The following CTNND2 variants were observed in gnomAD, a reference collection of about 807,000 sequenced individuals.
The protein encoded by CTNND2 is catenin delta-2.
CTNND2 carries 22 observed loss-of-function variants against 144.4 expected under a neutral mutation model. That is an observed-to-expected ratio of 0.15 (90% confidence interval 0.11 to 0.22). CTNND2 has a LOEUF of 0.22. CTNND2 is among the 10% of genes least tolerant of loss of function. The pLI, the probability that CTNND2 is intolerant of heterozygous loss-of-function variation, is 1.00. For synonymous variants in CTNND2, 751 were observed against 695.6 expected (o/e 1.08, Z -1.25); for missense variants, 1,353 against 1,618.8 (o/e 0.84, Z 2.82).
intron 1 of CTNND2, among the ~76,000 whole-genome samples, chr5:11,886,184 A>G (rs1736516648): frequency 6.6e-6 from 1 of 152,162 alleles, no homozygotes; most frequent in South Asian, 2.1e-4. Flanking sequence ...AAATAAATGA[A>G]ACTGAGACAA....
Position 11,534,610 on chromosome 5 carries a change from GA to G in CTNND2, c.287+30333del, listed in dbSNP as rs1196557931. On this transcript the variant is annotated intron_variant, in intron 3 of 21. Transcript: ENST00000304623. ...AGAAGAGTGAAACTCCATTGCAGGG[GA>G]AAAAAAAAGAAAGAAAAGAAATCCT... Among the ~76,000 whole-genome samples, 37 of 149,314 alleles carry G rather than the reference GA, an allele frequency of 2.5e-4. 1 individual carries two copies. The highest frequency in any genetic ancestry group is 1.7e-3 in the Admixed American group (25 of 14,996).
intron 5 of CTNND2, among the ~76,000 whole-genome samples, 168 bp from the exon 6 acceptor site, chr5:11,397,371 G>A (rs1283551142): frequency 6.7e-6 from 1 of 148,654 alleles, no homozygotes; most frequent in African/African-American, 2.6e-5. Context: ...CCAGCTCTCA[G>A]ATGAGATTTT....
chr5:11,455,533 A>C (rs1183492583), intron 3 of CTNND2, among the ~76,000 whole-genome samples: 1 of 152,168 alleles, frequency 6.6e-6, no homozygotes, highest in African/African-American at 2.4e-5. Context: ...CCAAGTATAC[A>C]CCAGAAATTT....
chr5:11,858,520 C>A (rs377221056), intron 1 of CTNND2, among the ~76,000 whole-genome samples: 1 of 152,200 alleles, frequency 6.6e-6, no homozygotes, highest in Non-Finnish European at 1.5e-5. Flanking sequence ...TTGCTCTACA[C>A]GAACCCTGCA....
At chr5:11,425,073 T>G (rs891031070) in intron 3 of CTNND2, among the ~76,000 whole-genome samples, 3 of 152,228 alleles carry the variant, frequency 2.0e-5, no homozygotes, top group Admixed American at 1.3e-4. Flanking sequence ...TGTGTAAGAT[T>G]CCCTGCTCAT....
chr5:11,690,240 T>C (rs940790578), intron 2 of CTNND2, among the ~76,000 whole-genome samples: 4 of 152,220 alleles, frequency 2.6e-5, no homozygotes, highest in Non-Finnish European at 2.9e-5. Context: ...TTCAAAATCA[T>C]GTAACTGTTG....
rs538915953 is a variant in CTNND2, at chr5:11,698,793, A to G, written c.174+33343T>C. 3.1e-3 allele frequency among the ~76,000 whole-genome samples: 478 copies of G among 152,148 alleles called. 4 individuals carry two copies. The highest frequency in any genetic ancestry group is 0.011 in the African/African-American group (455 of 41,520). On this transcript the variant is annotated intron_variant, in intron 2 of 21. Coordinates refer to ENST00000304623, the MANE Select transcript of CTNND2 (RefSeq NM_001332.4). ...TAGTACCACAACAGAGTTTAAAGTA[A>G]GAATTGTCCAGTTCAATCCATTAAA...
At chr5:11,043,697 T>C (rs1744925899) in intron 16 of CTNND2, among the ~76,000 whole-genome samples, 1 of 152,210 alleles carries the variant, frequency 6.6e-6, no homozygotes, top group East Asian at 1.9e-4. Flanking sequence ...ATGACCCACT[T>C]TTTACAAGCA....
At chr5:11,484,360 T>C (rs910186225) in intron 3 of CTNND2, among the ~76,000 whole-genome samples, 8 of 152,138 alleles carry the variant, frequency 5.3e-5, no homozygotes, top group African/African-American at 1.9e-4. Flanking sequence ...AATGCCTAGG[T>C]AAGAGTTAGT....
chr5:11,651,935 A>T (rs540266987), intron 2 of CTNND2, among the ~76,000 whole-genome samples: 8 of 152,150 alleles, frequency 5.3e-5, no homozygotes, highest in Non-Finnish European at 1.2e-4. Context: ...CTAGTCTCAG[A>T]TGCGACTTTG....
chr5:11,607,372 A>G (rs1780104800), intron 2 of CTNND2, among the ~76,000 whole-genome samples: 1 of 152,214 alleles, frequency 6.6e-6, no homozygotes, highest in African/African-American at 2.4e-5. Flanking sequence ...TGGTCTCTGT[A>G]TCTGACATAT....
At chr5:11,234,354 G>A (rs192727706) in intron 10 of CTNND2, among the ~76,000 whole-genome samples, 4 of 152,310 alleles carry the variant, frequency 2.6e-5, no homozygotes, top group Admixed American at 1.3e-4. Context: ...TCGCTACTAA[G>A]CAGTTTGTAT....
At chr5:11,439,966 G>T (rs1036479521) in intron 3 of CTNND2, among the ~76,000 whole-genome samples, 8 of 151,780 alleles carry the variant, frequency 5.3e-5, no homozygotes, top group Non-Finnish European at 7.4e-5. Context: ...CCACCACCAT[G>T]CCTGGTCCAC....
rs376706644 is a variant in CTNND2, at chr5:11,229,856, TA to T, written c.1761+6834del. 1.6e-4 allele frequency among the ~76,000 whole-genome samples: 25 copies of T among 151,996 alleles called. 1 individual carries two copies. The East Asian group carries it at 3.3e-3, about 20-fold the overall frequency. ...TCCTCTTTTTGTATAACTGTCTGTA[TA>T]TGAAAGGGGGTGCCACCTGCATGCC... On this transcript the variant is annotated intron_variant, in intron 10 of 21. Coordinates refer to ENST00000304623, the MANE Select transcript of CTNND2 (RefSeq NM_001332.4).
Position 11,284,769 on chromosome 5 carries a change from G to A in CTNND2, c.1629-47946C>T, listed in dbSNP as rs115396934. On this transcript the variant is annotated intron_variant, in intron 9 of 21. Coordinates refer to ENST00000304623, the MANE Select transcript of CTNND2 (RefSeq NM_001332.4). ...AACAGAATGATTTATATTCTTTTGG[G>A]TATGCACCCAATAATAGGATTGCAG... 7.1e-3 allele frequency among the ~76,000 whole-genome samples: 1,077 copies of A among 152,222 alleles called. 12 individuals are homozygous for A. Among genetic ancestry groups the A allele is most frequent in the African/African-American group, 0.024 (1,012 of 41,528 alleles).
intron 11 of CTNND2, among the ~76,000 whole-genome samples, chr5:11,197,954 G>A (rs1057344768): frequency 1.3e-4 from 20 of 152,146 alleles, no homozygotes; most frequent in African/African-American, 4.6e-4. Context: ...TCCATACGGT[G>A]TACACAGAAG....
At chr5:11,282,091 T>C (rs1483641709) in intron 9 of CTNND2, among the ~76,000 whole-genome samples, 1 of 151,974 alleles carries the variant, frequency 6.6e-6, no homozygotes, top group Non-Finnish European at 1.5e-5. Context: ...GAGAATCCAC[T>C]CTCACGGTGG....
rs139756834 is a variant in CTNND2 at position 11,428,012 on chromosome 5, A to G, written c.288-15943T>C. On this transcript the variant is annotated intron_variant, in intron 3 of 21. Transcript: ENST00000304623. ...AGCAAGAGCAAATGAGGAAGAAGCA[A>G]AAGCAGAAACCCCTGATAAACCCAT... 9.9e-3 allele frequency among the ~76,000 whole-genome samples: 1,513 copies of G among 152,258 alleles called. 16 individuals carry two copies. The highest frequency in any genetic ancestry group is 0.053 in the South Asian group (255 of 4,820).
intron 12 of CTNND2, among the ~76,000 whole-genome samples, chr5:11,122,946 G>A (rs956276544): frequency 1.3e-5 from 2 of 152,104 alleles, no homozygotes; most frequent in Non-Finnish European, 2.9e-5. Context: ...ACCCCTCAGG[G>A]CAGAGCTGAG....
Sources: allele counts gnomAD v4.1 joint callset (sites outside exome capture counted in the v4.1 genomes callset), GRCh38; gene constraint gnomAD v4.1.1; transcripts MANE v1.5; gene names NCBI Gene and HGNC (gene_info 2026-07-23, HGNC 2026-07-21).